The following TRAF1 variants were observed in gnomAD, a reference collection of about 807,000 sequenced individuals.
TRAF1 encodes TNF receptor-associated factor 1.
TRAF1 carries 23 observed loss-of-function variants against 40.9 expected under a neutral mutation model. The observed-to-expected ratio is 0.56, with a 90% CI of 0.40 to 0.80. The LOEUF (loss-of-function observed/expected upper bound fraction) is 0.80. Ranked by LOEUF, TRAF1 falls within the 30% of genes least tolerant of loss-of-function variation. The pLI is 0.00. For missense variants in TRAF1, 477 were observed against 528.7 expected (o/e 0.90, Z 0.96); for synonymous variants, 206 against 218.8 (o/e 0.94, Z 0.52).
In TRAF1 at chr9:120,911,295, T is replaced by C. The variant is rs79274081; in HGVS notation, c.883+41A>G. 786 of 1,596,018 alleles carry C rather than the reference T, an allele frequency of 4.9e-4. 7 individuals carry two copies. The East Asian group carries it at 0.016, about 33-fold the overall frequency. ...CTTGCTTCCTGGGTCCTGTGGGGCC[T>C]GTTTCCCCAGGCAGGTCTCTGTGCC... is the stretch of plus-strand genomic sequence containing the variant. On this transcript the variant is annotated intron_variant, in intron 6 of 7. Transcript: ENST00000373887.
intron 7 of TRAF1, among the ~76,000 whole-genome samples, chr9:120,907,336 G>T (rs2046491037): frequency 6.6e-6 from 1 of 152,200 alleles, no homozygotes; most frequent in South Asian, 2.1e-4. Context: ...CTGTCTGGAT[G>T]CACCACAGTT....
At position 120,913,370 on chromosome 9, in the gene TRAF1, C is replaced by T. The variant is rs755008122; in HGVS notation, c.663G>A (p.Gln221=). 3 of 1,613,834 alleles carry T rather than the reference C, an allele frequency of 1.9e-6. No homozygotes were observed. Among genetic ancestry groups the T allele is most frequent in the South Asian group, 1.1e-5 (1 of 91,060 alleles). The change falls in exon 5 of 8, where the codon CAG becomes CAA. Residue 221 remains glutamine (Q), a synonymous_variant. Transcript: ENST00000373887. ...SHLALATSIH[Q]SQLDRERILS... ...GGATGCGCTCACGGTCCAGCTGGCT[C>T]TGGTGGATAGAGGTGGCCAGGGCCA... is the stretch of plus-strand genomic sequence containing the variant.
chr9:120,906,729 T>C (rs952901451), intron 7 of TRAF1, among the ~76,000 whole-genome samples: 1 of 152,204 alleles, frequency 6.6e-6, no homozygotes, highest in Non-Finnish European at 1.5e-5. Flanking sequence ...TTTTGACAAA[T>C]GCATAAGGAC....
chr9:120,906,593 C>G (rs1011643436), intron 7 of TRAF1, among the ~76,000 whole-genome samples: 2 of 152,220 alleles, frequency 1.3e-5, no homozygotes, highest in African/African-American at 2.4e-5. Context: ...CAACCTCCCC[C>G]ACTATCAACA....
rs759229757 is a variant in TRAF1, at chr9:120,924,612, A to G, written c.141-820T>C. ...GTATTTTTAGTAGAGATGAGGTTTC[A>G]CCTTGTTGGCCAGGCTGGTCTCAAA... is the stretch of plus-strand genomic sequence containing the variant. On this transcript the variant is annotated intron_variant, in intron 2 of 7. Transcript: ENST00000373887. Among the ~76,000 whole-genome samples, 15 of 152,040 alleles carry G rather than the reference A, an allele frequency of 9.9e-5. No individual in the cohort carries two copies. The East Asian group carries it at 2.7e-3, about 27-fold the overall frequency.
Position 120,914,269 on chromosome 9 carries a change from C to G in TRAF1, c.260G>C (p.Gly87Ala). ...GCAGCCGACACCTGCAAAGGGGCACCCAATTCCAGCCTCAGCCACCTCGGG... is the reference window on the plus strand; with the variant it reads ...GCAGCCGACACCTGCAAAGGGGCACGCAATTCCAGCCTCAGCCACCTCGGG... ...AHPEVAEAGI[G>A]CPFAGVGCSF... Residue 87 changes from glycine to alanine, a missense_variant, in exon 4 of 8, where the codon GGG (glycine) becomes GCG (alanine). By Grantham distance (60) the Gly-to-Ala change is moderately conservative. Coordinates refer to ENST00000373887, the MANE Select transcript of TRAF1 (RefSeq NM_005658.5). 6.5e-7 allele frequency: 1 copy of G among 1,535,760 alleles called. No individual in the cohort carries two copies. The highest frequency in any genetic ancestry group is 8.8e-7 in the Non-Finnish European group (1 of 1,130,292).
chr9:120,913,189 T>C (rs373515929), intron 5 of TRAF1, 139 bp downstream of exon 5: 1 of 1,078,152 alleles, frequency 9.3e-7, no homozygotes, highest in South Asian at 1.7e-5. Flanking sequence ...CCTGGAAGGG[T>C]GTGGGATAAA....
rs2046467489 is a variant in TRAF1 at position 120,904,919 on chromosome 9, C to T, written c.*101G>A. On this transcript the variant is annotated 3_prime_UTR_variant, in exon 8 of 8. Transcript: ENST00000373887. ...TTGCTTGGATCATGCCAGCCTTCACCCATCTTTGTGCCCTGAGGTCTTGGG... is the reference window on the plus strand; with the variant it reads ...TTGCTTGGATCATGCCAGCCTTCACTCATCTTTGTGCCCTGAGGTCTTGGG... 2.5e-6 allele frequency: 3 copies of T among 1,212,606 alleles called. No individual in the cohort carries two copies. Among genetic ancestry groups the T allele is most frequent in the Non-Finnish European group, 2.3e-6 (2 of 860,536 alleles). 75.1% of individuals were successfully genotyped at this position (1,212,606 alleles called of 1,614,324 possible).
Position 120,925,779 on chromosome 9 carries a change from G to A in TRAF1, c.140+157C>T, listed in dbSNP as rs371043859. Among the ~76,000 whole-genome samples the A allele has an allele frequency of 2.0e-5, 3 of 152,328 alleles. No individual in the cohort carries two copies. In the South Asian group the frequency reaches 6.2e-4, roughly 32 times the overall value. Reference sequence around the variant, plus strand: ...CTCTCCTTCCACCACAGCCAGAGGGGCAGTGTCAGGGAGTGTGAGAAAAGG... The same window carrying A: ...CTCTCCTTCCACCACAGCCAGAGGGACAGTGTCAGGGAGTGTGAGAAAAGG... On this transcript the variant is annotated intron_variant, in intron 2 of 7. Coordinates refer to ENST00000373887, the MANE Select transcript of TRAF1 (RefSeq NM_005658.5).
chr9:120,913,238 G>A, intron 5 of TRAF1, 90 bp downstream of exon 5: 1 of 1,443,572 alleles, frequency 6.9e-7, no homozygotes, highest in Non-Finnish European at 9.3e-7. Flanking sequence ...CTGTAAGCAG[G>A]ATGAATGATT....
chr9:120,910,227 C>T (rs994541853), intron 6 of TRAF1, among the ~76,000 whole-genome samples: 3 of 152,058 alleles, frequency 2.0e-5, no homozygotes, highest in Non-Finnish European at 4.4e-5. Flanking sequence ...ACAGGAAGCA[C>T]GAGGTACTGC....
chr9:120,928,207 T>C (rs1214891845), upstream of TRAF1: 2 of 152,134 alleles, frequency 1.3e-5, no homozygotes, highest in African/African-American at 4.8e-5. Context: ...AGCTAGTGAG[T>C]GGGGACCCCT....
At chr9:120,914,164 G>T in intron 4 of TRAF1, 71 bp downstream of exon 4, 1 of 1,290,358 alleles carries the variant, frequency 7.7e-7, no homozygotes, top group African/African-American at 1.5e-5. Context: ...TCATGGAGGG[G>T]CTGCAGTGGG....
At chr9:120,922,673 G>A (rs1326859519) in intron 3 of TRAF1, among the ~76,000 whole-genome samples, 4 of 152,254 alleles carry the variant, frequency 2.6e-5, no homozygotes, top group East Asian at 1.9e-4. Flanking sequence ...GACGTGAGCT[G>A]ATAATGGTCT....
chr9:120,921,070 G>A (rs762971158), intron 3 of TRAF1, among the ~76,000 whole-genome samples: 4 of 152,076 alleles, frequency 2.6e-5, no homozygotes, highest in East Asian at 1.9e-4. Context: ...ATGACTCCAC[G>A]AGGTGGGGAA....
At chr9:120,928,537 G>C, upstream of TRAF1, 1 of 152,500 alleles carries the variant, frequency 6.6e-6, no homozygotes. Context: ...CGCGTCTCTG[G>C]TGGCTCCTTA....
rs1031102729 is a variant in TRAF1, at chr9:120,903,307, A to T, written c.*1713T>A. Reference sequence around the variant, plus strand: ...CCATTATTGCAGTTGGGCCTCCTGAAAACCCCTAGAGCTGGAGAGGGCAAG... The same window carrying T: ...CCATTATTGCAGTTGGGCCTCCTGATAACCCCTAGAGCTGGAGAGGGCAAG... On this transcript the variant is annotated 3_prime_UTR_variant, in exon 8 of 8. Transcript: ENST00000373887. 1.3e-5 allele frequency: 2 copies of T among 152,310 alleles called. No individual in the cohort carries two copies. The highest frequency in any genetic ancestry group is 2.9e-5 in the Non-Finnish European group (2 of 68,096). 9.4% of individuals were successfully genotyped at this position (152,310 alleles called of 1,614,324 possible). A position where few individuals can be genotyped will look rare whatever the true frequency, so the allele number is the denominator to read the frequency against.
chr9:120,928,162 C>A (rs1396224082), upstream of TRAF1: 1 of 152,274 alleles, frequency 6.6e-6, no homozygotes, highest in African/African-American at 2.4e-5. Flanking sequence ...AAAACTGAGG[C>A]ACAGAGAGGC....
Position 120,926,042 on chromosome 9 carries a change from C to G in TRAF1, c.34G>C (p.Ala12Pro), listed in dbSNP as rs2046638462. 6.2e-7 allele frequency: 1 copy of G among 1,608,982 alleles called. No individual in the cohort carries two copies. The highest frequency in any genetic ancestry group is 8.5e-7 in the Non-Finnish European group (1 of 1,177,502). ...ASSSGSSPRP[A>P]PDENEFPFGC... ...AAGGGAAACTCATTCTCATCAGGGG[C>G]CGGGCGAGGACTGCTGCCTGAGCTG... The change falls in exon 2 of 8, where the codon GCC becomes CCC. Residue 12 changes from alanine (A) to proline (P), a missense_variant. Physicochemically the swap from Ala to Pro is conservative, Grantham distance 27. Coordinates refer to ENST00000373887, the MANE Select transcript of TRAF1 (RefSeq NM_005658.5).
Sources: allele counts gnomAD v4.1 joint callset (sites outside exome capture counted in the v4.1 genomes callset), GRCh38; gene constraint gnomAD v4.1.1; transcripts MANE v1.5; gene names NCBI Gene and HGNC (gene_info 2026-07-23, HGNC 2026-07-21).